The following C2CD3 variants were observed in gnomAD, a reference collection of about 807,000 sequenced individuals.
C2CD3 encodes C2 domain-containing protein 3.
A neutral mutation model predicts 234.0 loss-of-function variants in C2CD3; 148 were observed. That is an observed-to-expected ratio of 0.63 (90% confidence interval 0.55 to 0.72). The LOEUF (loss-of-function observed/expected upper bound fraction) is 0.72, where lower values mean the gene tolerates loss of function less well. C2CD3 is among the 30% of genes least tolerant of loss of function. The pLI, the probability that C2CD3 is intolerant of heterozygous loss-of-function variation, is 0.00. For missense variants in C2CD3, 2,577 were observed against 2,811.5 expected (o/e 0.92, Z 1.89); for synonymous variants, 1,000 against 1,035.4 (o/e 0.97, Z 0.66).
intron 12 of C2CD3, among the ~76,000 whole-genome samples, chr11:74,106,733 C>T (rs1042560801): frequency 1.3e-5 from 2 of 152,126 alleles, no homozygotes; most frequent in African/African-American, 4.8e-5. Context: ...GGAAGATTAT[C>T]TTTTTCTATC....
rs550177748 is a variant in C2CD3, at chr11:74,168,586, C to T, written c.83G>A (p.Ser28Asn). 3.1e-6 allele frequency: 5 copies of T among 1,614,038 alleles called. No homozygotes were observed. In the East Asian group the frequency reaches 1.1e-4, roughly 36 times the overall value. Residue 28 changes from serine (S) to asparagine (N), a missense_variant, in exon 2 of 33, where the codon AGC becomes AAC. Coordinates refer to ENST00000334126, the MANE Select transcript of C2CD3 (RefSeq NM_001286577.2). Reference sequence around the variant, plus strand: ...CTGGCCTTCAACCAGAGGTGGCAGGCTTGTAGATGGAGAAATGTCACTTAA... The same window carrying T: ...CTGGCCTTCAACCAGAGGTGGCAGGTTTGTAGATGGAGAAATGTCACTTAA... ...RGLSDISPSTSLPPLVEGQLR... is the reference protein window; with the variant it reads ...RGLSDISPSTNLPPLVEGQLR...
Position 74,128,785 on chromosome 11 carries a change from A to G in C2CD3, c.1217+4059T>C, listed in dbSNP as rs527645662. The G allele has an allele frequency of 6.2e-4, 102 of 164,780 alleles. 1 individual carries two copies. The South Asian group carries it at 0.012, about 19-fold the overall frequency. The allele number at this position is 164,780 out of a possible 1,614,324, so 10.2% of individuals were successfully genotyped here. ...CTGCCTTCAAGCATCTGTTTAACAA[A>G]GCACATCTTGCACCGCCCTTAATCC... On this transcript the variant is annotated intron_variant, in intron 7 of 32. Transcript: ENST00000334126.
At chr11:74,020,380 C>A (rs1342937601) in intron 32 of C2CD3, among the ~76,000 whole-genome samples, 1 of 152,248 alleles carries the variant, frequency 6.6e-6, no homozygotes, top group Admixed American at 6.5e-5. Context: ...CTTTTCAAAT[C>A]CACAGCATGA....
intron 32 of C2CD3, among the ~76,000 whole-genome samples, chr11:74,027,637 A>C (rs1952357845): frequency 6.6e-6 from 1 of 152,196 alleles, no homozygotes; most frequent in East Asian, 1.9e-4. Context: ...TTTGTGCTCC[A>C]TGAAGATAGG....
chr11:74,020,536 T>G (rs1169475525), intron 32 of C2CD3, among the ~76,000 whole-genome samples: 1 of 152,350 alleles, frequency 6.6e-6, no homozygotes, highest in East Asian at 1.9e-4. Flanking sequence ...TGGAGTCCAG[T>G]GCGTTTCCAA....
rs1425333901 is a variant in C2CD3 at position 74,074,460 on chromosome 11, A to T, written c.4744T>A (p.Ser1582Thr). 1.2e-6 allele frequency: 2 copies of T among 1,614,104 alleles called. No individual in the cohort carries two copies. Reference protein sequence around the residue: ...DSMDCSSHSESEQLPRRNDEV... With the variant: ...DSMDCSSHSETEQLPRRNDEV... ...TCATTCCTTCTGGGGAGCTGCTCAG[A>T]CTCACTGTGGCTGCTGCAGTCCATG... is the stretch of plus-strand genomic sequence containing the variant. Residue 1582 changes from serine (S) to threonine (T), a missense_variant, in exon 24 of 33, where the codon TCT (serine) becomes ACT (threonine). Physicochemically the swap from Ser to Thr is moderately conservative, Grantham distance 58 (BLOSUM62 1). Transcript: ENST00000334126.
rs1170345600 is a variant in C2CD3 at position 74,138,942 on chromosome 11, C to T, written c.733G>A (p.Glu245Lys). The change falls in exon 5 of 33, where the codon GAG (glutamate) becomes AAG (lysine). Residue 245 changes from glutamate to lysine, a missense_variant. Coordinates refer to ENST00000334126, the MANE Select transcript of C2CD3 (RefSeq NM_001286577.2). ...PRGKDHVCFA[E>K]NPDTIKDSSF... ...GAATCCTTTATTGTATCAGGGTTCT[C>T]TGCAAAGCATACATGGTCTTTTCCC... is the stretch of plus-strand genomic sequence containing the variant. The T allele has an allele frequency of 1.9e-6, 3 of 1,611,446 alleles. No individual in the cohort carries two copies. The highest frequency in any genetic ancestry group is 2.7e-5 in the African/African-American group (2 of 74,888).
At chr11:74,160,490 A>C (rs1164863286) in intron 3 of C2CD3, among the ~76,000 whole-genome samples, 1 of 152,128 alleles carries the variant, frequency 6.6e-6, no homozygotes, top group Non-Finnish European at 1.5e-5. Context: ...CAGGCACAGA[A>C]GGACAAATAT....
At position 74,135,539 on chromosome 11, in the gene C2CD3, A is replaced by T. The variant is rs983635084; in HGVS notation, c.956-1982T>A. On this transcript the variant is annotated intron_variant, in intron 5 of 32. Coordinates refer to ENST00000334126, the MANE Select transcript of C2CD3 (RefSeq NM_001286577.2). Reference sequence around the variant, plus strand: ...AAATTTTTCTCTGGCTGGTTAAAGGATATGATAGTCAGAGATGTGAAGTAT... The same window carrying T: ...AAATTTTTCTCTGGCTGGTTAAAGGTTATGATAGTCAGAGATGTGAAGTAT... Among the ~76,000 whole-genome samples the T allele has an allele frequency of 2.6e-5, 4 of 152,350 alleles. No homozygotes were observed. In the East Asian group the frequency reaches 7.7e-4, roughly 29 times the overall value.
At chr11:74,126,263 A>G (rs1957411300) in intron 7 of C2CD3, among the ~76,000 whole-genome samples, 1 of 152,178 alleles carries the variant, frequency 6.6e-6, no homozygotes, top group African/African-American at 2.4e-5. Context: ...CTGATACTGT[A>G]TATGTGACCT....
At position 74,109,134 on chromosome 11, in the gene C2CD3, C is replaced by T. The variant is rs374842274; in HGVS notation, c.1862G>A (p.Arg621Gln). 131 of 1,579,244 alleles carry T rather than the reference C, an allele frequency of 8.3e-5. No homozygotes were observed. Among genetic ancestry groups the T allele is most frequent in the Middle Eastern group, 1.7e-4 (1 of 5,998 alleles). The change falls in exon 12 of 33, where the codon CGA (arginine) becomes CAA (glutamine). Residue 621 changes from arginine to glutamine, a missense_variant. By Grantham distance (43) the Arg-to-Gln change is conservative. Coordinates refer to ENST00000334126, the MANE Select transcript of C2CD3 (RefSeq NM_001286577.2). ...ITDGKVKFQQ[R>Q]FVFPVQFGGP... ...ACCAAACTGTACTGGAAACACAAAT[C>T]GCTGCTGGAACTTCACCTCTGTAAG...
chr11:74,143,825 G>C (rs989334817), intron 3 of C2CD3, among the ~76,000 whole-genome samples: 1 of 152,132 alleles, frequency 6.6e-6, no homozygotes, highest in South Asian at 2.1e-4. Context: ...TTTATGTTTG[G>C]AAGAATTTGC....
At position 74,168,183 on chromosome 11, in the gene C2CD3, C is replaced by T. The variant is rs1486531425; in HGVS notation, c.325+161G>A. ...AAAACTGCTGGCACACAGTAACACT[C>T]AATAAATTTACAAAGAAAAATGTCT... On this transcript the variant is annotated intron_variant, in intron 2 of 32. Coordinates refer to ENST00000334126, the MANE Select transcript of C2CD3 (RefSeq NM_001286577.2). 3 of 621,324 alleles carry T rather than the reference C, an allele frequency of 4.8e-6. No individual in the cohort carries two copies. In the African/African-American group the frequency reaches 5.5e-5, roughly 11 times the overall value. 38.5% of individuals were successfully genotyped at this position (621,324 alleles called of 1,614,324 possible). A position where few individuals can be genotyped will look rare whatever the true frequency, so the allele number is the denominator to read the frequency against.
At position 74,033,856 on chromosome 11, in the gene C2CD3, G is replaced by A. The variant is rs1480918704; in HGVS notation, c.6304C>T (p.Pro2102Ser). 2.0e-6 allele frequency: 3 copies of A among 1,536,158 alleles called. No homozygotes were observed. Among genetic ancestry groups the A allele is most frequent in the Non-Finnish European group, 2.6e-6 (3 of 1,146,902 alleles). ...GGGCCTTCCCTCTGCACCTCGTCAG[G>A]CTGAGGGCTGATGACCTCACTTGTG... ...SDTSEVISPQ[P>S]DEVQREGPSC... Residue 2102 changes from proline to serine, a missense_variant, in exon 31 of 33, where the codon CCT (proline) becomes TCT (serine). Coordinates refer to ENST00000334126, the MANE Select transcript of C2CD3 (RefSeq NM_001286577.2).
chr11:74,065,152 A>G (rs555659239), intron 24 of C2CD3, among the ~76,000 whole-genome samples: 2 of 152,300 alleles, frequency 1.3e-5, no homozygotes, highest in South Asian at 2.1e-4. Context: ...GAAAATTTTT[A>G]CAATCTACCC....
At chr11:74,018,486 T>C (rs117503345) in intron 32 of C2CD3, among the ~76,000 whole-genome samples, 217 of 152,232 alleles carry the variant, frequency 1.4e-3, no homozygotes, top group Non-Finnish European at 2.6e-3. Flanking sequence ...TTAAGTGACA[T>C]AAACATTGAC....
At chr11:74,048,754 T>TATGC (rs1239811138) in intron 27 of C2CD3, among the ~76,000 whole-genome samples, 2 of 152,212 alleles carry the variant, frequency 1.3e-5, no homozygotes, top group Non-Finnish European at 2.9e-5. Context: ...TCTGTTTTCT[T>TATGC]ATGCATGCTT....
intron 3 of C2CD3, among the ~76,000 whole-genome samples, chr11:74,158,067 G>A (rs1245496343): frequency 6.6e-6 from 1 of 152,166 alleles, no homozygotes; most frequent in Non-Finnish European, 1.5e-5. Flanking sequence ...GTAAGATCTA[G>A]GACTATAAAA....
intron 23 of C2CD3, among the ~76,000 whole-genome samples, chr11:74,075,101 AAAAC>A (rs970340960): frequency 1.3e-5 from 2 of 152,098 alleles, no homozygotes; most frequent in African/African-American, 2.4e-5. Flanking sequence ...AAAACAAAAT[AAAAC>A]AAACAAACAA....
Sources: allele counts gnomAD v4.1 joint callset (sites outside exome capture counted in the v4.1 genomes callset), GRCh38; gene constraint gnomAD v4.1.1; transcripts MANE v1.5; gene names NCBI Gene and HGNC (gene_info 2026-07-23, HGNC 2026-07-21).